ARGFX: variants seen among roughly 807,000 people sequenced by gnomAD.
The protein encoded by ARGFX is arginine-fifty homeobox.
In ARGFX, 10 loss-of-function variants were observed where a neutral mutation model predicts 8.0. That is an observed-to-expected ratio of 1.25 (90% CI 0.77 to 2.12). The LOEUF (loss-of-function observed/expected upper bound fraction) is 2.12. Ranked by LOEUF, ARGFX falls within the 30% of genes most tolerant of loss-of-function variation. The probability of loss-of-function intolerance (pLI) is 0.00; values close to 1 mark genes in which losing one functional copy is unlikely to be tolerated. For missense variants in ARGFX, 282 were observed against 324.3 expected (o/e 0.87, Z 1.00); for synonymous variants, 116 against 117.8 (o/e 0.98, Z 0.10).
In ARGFX at chr3:121,587,749, C is replaced by T. The variant is rs2048820669; in HGVS notation, c.*1149C>T. 6.6e-6 allele frequency among the ~76,000 whole-genome samples: 1 copy of T among 152,116 alleles called. No individual in the cohort carries two copies. Among genetic ancestry groups the T allele is most frequent in the South Asian group, 2.1e-4 (1 of 4,834 alleles). ...TCTTGGCTCACTGCAGCCTCTGCCT[C>T]CTGGGCTCAAACAGTCCTCCCACCT... On this transcript the variant is annotated 3_prime_UTR_variant, in exon 5 of 5. Transcript: ENST00000334384.
Position 121,586,513 on chromosome 3 carries a change from G to C in ARGFX, c.861G>C (p.Met287Ile). 6.2e-7 allele frequency: 1 copy of C among 1,614,110 alleles called. No homozygotes were observed. The highest frequency in any genetic ancestry group is 1.7e-5 in the Admixed American group (1 of 60,008). ...CTCCTGCACAAACCTGGCCCAATAT[G>C]ACAAGCCAAGCCTTTGAAGCCTACA... ...GLSPAQTWPN[M>I]TSQAFEAYSL... Residue 287 changes from methionine to isoleucine, a missense_variant, in exon 5 of 5, where the codon ATG becomes ATC. Coordinates refer to ENST00000334384, the MANE Select transcript of ARGFX (RefSeq NM_001012659.2).
chr3:121,586,579 G>A lies in ARGFX; in HGVS notation c.927G>A (p.Met309Ile). Reference protein sequence around the residue: ...DSLEFQKTSNMVDLGFL With the variant: ...DSLEFQKTSNIVDLGFL ...TGGAATTCCAGAAAACCTCCAATAT[G>A]GTAGACTTGGGATTTCTCTGACCAG... Residue 309 changes from methionine (M) to isoleucine (I), a missense_variant, in exon 5 of 5, where the codon ATG becomes ATA. By Grantham distance (10) the Met-to-Ile change is conservative (BLOSUM62 1). Coordinates refer to ENST00000334384, the MANE Select transcript of ARGFX (RefSeq NM_001012659.2). 1 of 1,613,154 alleles carries A rather than the reference G, an allele frequency of 6.2e-7. No individual in the cohort carries two copies.
chr3:121,584,210 GGAAGGAAGGAA>G (rs2048797328), intron 3 of ARGFX, among the ~76,000 whole-genome samples: 2 of 91,034 alleles, frequency 2.2e-5, no homozygotes, highest in African/African-American at 8.4e-5. Context: ...GAGAGAGGAA[GGAAGGAAGGAA>G]GGAAGGAAGG....
At chr3:121,571,730 A>ATTTTTTTTTTTTTTTTT (rs1173636701) in intron 2 of ARGFX, among the ~76,000 whole-genome samples, 7 of 107,102 alleles carry the variant, frequency 6.5e-5, no homozygotes, top group Non-Finnish European at 1.3e-4. Context: ...TGCCCGGCAA[A>ATTTTTTTTTTTTTTTTT]TTTTTTTTTT....
chr3:121,570,908 C>A, intron 2 of ARGFX, 92 bp downstream of exon 2: 1 of 846,888 alleles, frequency 1.2e-6, no homozygotes, highest in Non-Finnish European at 1.7e-6. Flanking sequence ...TTTAAGGCAG[C>A]TATTGATTGT....
chr3:121,584,248 AAG>A (rs2048797797), intron 3 of ARGFX, among the ~76,000 whole-genome samples: 2 of 151,110 alleles, frequency 1.3e-5, no homozygotes, highest in Non-Finnish European at 3.0e-5. Context: ...GGAAGGAAGG[AAG>A]GAAGGAAGGA....
chr3:121,576,270 G>A (rs1222793776), intron 2 of ARGFX, among the ~76,000 whole-genome samples: 1 of 152,110 alleles, frequency 6.6e-6, no homozygotes, highest in East Asian at 1.9e-4. Flanking sequence ...ATGGACATAT[G>A]TGTTCCCTGA....
intron 1 of ARGFX, among the ~76,000 whole-genome samples, 199 bp from the exon 2 acceptor site, chr3:121,570,503 A>C (rs72971969): frequency 5.1e-4 from 78 of 152,352 alleles, no homozygotes; most frequent in Middle Eastern, 3.4e-3. Context: ...TTATTTCTAA[A>C]GTTTCATTTT....
intron 2 of ARGFX, among the ~76,000 whole-genome samples, chr3:121,575,327 A>AG (rs1222717385): frequency 1.3e-5 from 2 of 152,156 alleles, no homozygotes; most frequent in Non-Finnish European, 2.9e-5. Flanking sequence ...TCAAAAAAAA[A>AG]AAAAAGAAAA....
intron 3 of ARGFX, among the ~76,000 whole-genome samples, chr3:121,577,252 TA>T (rs1163817714): frequency 0.018 from 960 of 53,862 alleles, 6 homozygotes; most frequent in Admixed American, 0.022. Flanking sequence ...TATATATATA[TA>T]TATATATTTT....
In ARGFX at chr3:121,585,147, C is replaced by T; in HGVS notation, c.369+82C>T. The T allele has an allele frequency of 6.2e-6, 9 of 1,447,146 alleles. No homozygotes were observed. In the South Asian group the frequency reaches 7.8e-5, roughly 13 times the overall value. 89.6% of individuals were successfully genotyped at this position (1,447,146 alleles called of 1,614,324 possible). On this transcript the variant is annotated intron_variant, in intron 4 of 4. Coordinates refer to ENST00000334384, the MANE Select transcript of ARGFX (RefSeq NM_001012659.2). ...GCCTGGAAATTCCCCACCCTCTACC[C>T]CTGCCCCACAATAATATTTCATTAA...
chr3:121,574,532 C>T (rs1463243347), intron 2 of ARGFX, among the ~76,000 whole-genome samples: 1 of 152,216 alleles, frequency 6.6e-6, no homozygotes, highest in Non-Finnish European at 1.5e-5. Flanking sequence ...GATCCCTCAC[C>T]TGTGCAGTGC....
intron 2 of ARGFX, 35 bp from the exon 3 acceptor site, chr3:121,576,748 TC>T: frequency 2.8e-6 from 1 of 361,254 alleles, no homozygotes. Flanking sequence ...TCTTTCTTTT[TC>T]TCTTTCTTTC....
rs61798088 is a variant in ARGFX, at chr3:121,588,777, A to G, written c.*2177A>G. Among the ~76,000 whole-genome samples, 11 of 151,254 alleles carry G rather than the reference A, an allele frequency of 7.3e-5. No homozygotes were observed. Among genetic ancestry groups the G allele is most frequent in the Admixed American group, 6.6e-4 (10 of 15,188 alleles). On this transcript the variant is annotated 3_prime_UTR_variant, in exon 5 of 5. Coordinates refer to ENST00000334384, the MANE Select transcript of ARGFX (RefSeq NM_001012659.2). ...ACTAAAAATACAAAAAAAAAAAAAA[A>G]TTAGCTGGGCATGGTGGCACACACC...
At chr3:121,583,433 T>G (rs1263758323) in intron 3 of ARGFX, among the ~76,000 whole-genome samples, 1 of 151,924 alleles carries the variant, frequency 6.6e-6, no homozygotes, top group Non-Finnish European at 1.5e-5. Context: ...TTGTTTTATT[T>G]TATTTTATTT....
At chr3:121,583,876 CA>C in intron 3 of ARGFX, among the ~76,000 whole-genome samples, 1 of 150,886 alleles carries the variant, frequency 6.6e-6, no homozygotes, top group East Asian at 2.0e-4. Context: ...TCAGAAATCC[CA>C]TAAAAGAAAA....
intron 1 of ARGFX, among the ~76,000 whole-genome samples, chr3:121,568,995 C>G (rs2048690585): frequency 6.6e-6 from 1 of 152,132 alleles, no homozygotes; most frequent in African/African-American, 2.4e-5. Context: ...TAGATATTTA[C>G]CATATTCAAA....
chr3:121,586,750 A>G lies in ARGFX; in HGVS notation c.*150A>G, dbSNP rs956017457. 1 of 713,172 alleles carries G rather than the reference A, an allele frequency of 1.4e-6. No individual in the cohort carries two copies. The highest frequency in any genetic ancestry group is 1.8e-5 in the African/African-American group (1 of 55,742). The allele number at this position is 713,172 out of a possible 1,614,324, so 44.2% of individuals were successfully genotyped here. A position where few individuals can be genotyped will look rare whatever the true frequency, so the allele number is the denominator to read the frequency against. ...ATGTTGCAAAAAGAGTTTTCCAAGTAGAGCTGGGCACTACGTAATCAGCCC... is the reference window on the plus strand; with the variant it reads ...ATGTTGCAAAAAGAGTTTTCCAAGTGGAGCTGGGCACTACGTAATCAGCCC... On this transcript the variant is annotated 3_prime_UTR_variant, in exon 5 of 5. Transcript: ENST00000334384.
At chr3:121,582,864 C>T (rs1033310333) in intron 3 of ARGFX, among the ~76,000 whole-genome samples, 1 of 151,900 alleles carries the variant, frequency 6.6e-6, no homozygotes, top group African/African-American at 2.4e-5. Flanking sequence ...CTACCATGCC[C>T]ACCTAATTTT....
Sources: gnomAD v4.1 joint callset for allele counts (sites outside exome capture counted in the v4.1 genomes callset) on GRCh38, gnomAD v4.1.1 for gene constraint, MANE v1.5 for transcripts, NCBI Gene and HGNC (gene_info 2026-07-23, HGNC 2026-07-21) for gene names.